TNFRSF1B: variants seen among roughly 807,000 people sequenced by gnomAD.
TNFRSF1B encodes tumor necrosis factor receptor superfamily member 1B.
A neutral mutation model predicts 44.6 loss-of-function variants in TNFRSF1B; 19 were observed. The ratio of observed to expected loss-of-function variants is 0.43; its 90% CI spans 0.30 to 0.62. The LOEUF (loss-of-function observed/expected upper bound fraction) is 0.62. Among genes scored for constraint, TNFRSF1B ranks in the 20% least tolerant of loss-of-function variants. The probability of loss-of-function intolerance (pLI) is 0.16; values close to 1 mark genes in which losing one functional copy is unlikely to be tolerated. For synonymous variants in TNFRSF1B, 252 were observed against 261.1 expected (o/e 0.97, Z 0.34); for missense variants, 541 against 619.9 (o/e 0.87, Z 1.35).
In TNFRSF1B at chr1:12,209,149, A is replaced by G. The variant is rs1425482406; in HGVS notation, c.*2129A>G. ...TTGGTTCCCTTGTGTGTGTGTGTTG[A>G]TCCCAAGACAATGAAAGTTTGCACT... On this transcript the variant is annotated 3_prime_UTR_variant, in exon 10 of 10. Transcript: ENST00000376259. The G allele has an allele frequency of 2.0e-4, 30 of 152,100 alleles. No individual in the cohort carries two copies. The highest frequency in any genetic ancestry group is 2.0e-3 in the Admixed American group (30 of 15,264). 9.4% of individuals were successfully genotyped at this position (152,100 alleles called of 1,614,324 possible). A position where few individuals can be genotyped will look rare whatever the true frequency, so the allele number is the denominator to read the frequency against.
chr1:12,206,604 G>A, intron 9 of TNFRSF1B, 136 bp from the exon 10 acceptor site: 1 of 931,906 alleles, frequency 1.1e-6, no homozygotes. Flanking sequence ...ACACAGCAGA[G>A]CTGGGCTAGA....
chr1:12,183,484 G>A lies in TNFRSF1B; in HGVS notation c.79-5312G>A, dbSNP rs375579538. Among the ~76,000 whole-genome samples the A allele has an allele frequency of 8.7e-5, 13 of 150,116 alleles. 1 individual carries two copies. The highest frequency in any genetic ancestry group is 3.9e-4 in the East Asian group (2 of 5,110). On this transcript the variant is annotated intron_variant, in intron 1 of 9. Coordinates refer to ENST00000376259, the MANE Select transcript of TNFRSF1B (RefSeq NM_001066.3). ...TCTCTCTCTCTCTCTATGTATATATGTATAGCTATCTATTGATATTTTCTA... is the reference window on the plus strand; with the variant it reads ...TCTCTCTCTCTCTCTATGTATATATATATAGCTATCTATTGATATTTTCTA...
rs200538351 is a variant in TNFRSF1B, at chr1:12,206,989, G to C, written c.1355G>C (p.Gly452Ala). Residue 452 changes from glycine to alanine, a missense_variant, in exon 10 of 10, where the codon GGA becomes GCA. Transcript: ENST00000376259. ...ACCGAAGAGAAGCCCCTGCCCCTTG[G>C]AGTGCCTGATGCTGGGATGAAGCCC... Reference protein sequence around the residue: ...GSTEEKPLPLGVPDAGMKPS With the variant: ...GSTEEKPLPLAVPDAGMKPS 3 of 1,599,926 alleles carry C rather than the reference G, an allele frequency of 1.9e-6. No individual in the cohort carries two copies. Among genetic ancestry groups the C allele is most frequent in the Admixed American group, 1.7e-5 (1 of 59,372 alleles).
At chr1:12,170,358 G>A (rs1638493872) in intron 1 of TNFRSF1B, among the ~76,000 whole-genome samples, 1 of 152,224 alleles carries the variant, frequency 6.6e-6, no homozygotes, top group South Asian at 2.1e-4. Context: ...GCTTAGCTGA[G>A]CTAGTAAGCC....
At chr1:12,183,679 T>TTCTATCTATCTACCTAC (rs1638874490) in intron 1 of TNFRSF1B, among the ~76,000 whole-genome samples, 1 of 127,174 alleles carries the variant, frequency 7.9e-6, no homozygotes, top group East Asian at 2.4e-4. Context: ...TATCTATCTA[T>TTCTATCTATCTACCTAC]CTATCTATCT....
intron 1 of TNFRSF1B, among the ~76,000 whole-genome samples, chr1:12,184,761 C>T (rs551348527): frequency 1.2e-4 from 18 of 152,196 alleles, no homozygotes; most frequent in Non-Finnish European, 1.9e-4. Flanking sequence ...TTCTTGCTGC[C>T]GCCTGGAGCC....
chr1:12,193,924 G>A, intron 6 of TNFRSF1B, 31 bp from the exon 7 acceptor site: 1 of 1,596,980 alleles, frequency 6.3e-7, no homozygotes, highest in African/African-American at 1.3e-5. Flanking sequence ...TTTGTTTTCT[G>A]TAGCTGTCTG....
Position 12,167,066 on chromosome 1 carries a change from G to A in TNFRSF1B, c.-26G>A. Reference sequence around the variant, plus strand: ...CGAGGGCGCGAGGGCGCGAGGGCAGGGGGCAACCGGACCCCGCCCGCACCC... The same window carrying A: ...CGAGGGCGCGAGGGCGCGAGGGCAGAGGGCAACCGGACCCCGCCCGCACCC... On this transcript the variant is annotated 5_prime_UTR_variant, in exon 1 of 10. Transcript: ENST00000376259. 1 of 1,287,984 alleles carries A rather than the reference G, an allele frequency of 7.8e-7. No individual in the cohort carries two copies. Among genetic ancestry groups the A allele is most frequent in the South Asian group, 2.3e-5 (1 of 44,156 alleles). 79.8% of individuals were successfully genotyped at this position (1,287,984 alleles called of 1,614,324 possible). A position where few individuals can be genotyped will look rare whatever the true frequency, so the allele number is the denominator to read the frequency against.
chr1:12,171,711 T>C lies in TNFRSF1B; in HGVS notation c.78+4542T>C, dbSNP rs1638527570. 6.6e-6 allele frequency among the ~76,000 whole-genome samples: 1 copy of C among 152,160 alleles called. No individual in the cohort carries two copies. On this transcript the variant is annotated intron_variant, in intron 1 of 9. Coordinates refer to ENST00000376259, the MANE Select transcript of TNFRSF1B (RefSeq NM_001066.3). This position sits in a 1 kb window ranked among gnomAD's most constrained non-coding sequence, Gnocchi z 4.5. ...GGGCTGTCCCGTGAGCTGTAGGATG[T>C]TTAGCGACATCCCTGGCCTCTACTT...
At chr1:12,205,684 T>C (rs1029481132) in intron 9 of TNFRSF1B, among the ~76,000 whole-genome samples, 9 of 152,170 alleles carry the variant, frequency 5.9e-5, no homozygotes, top group Admixed American at 6.5e-5. Flanking sequence ...TGAAGTGACG[T>C]GATTTCGGCT....
chr1:12,205,754 TG>T (rs1161251463), intron 9 of TNFRSF1B, among the ~76,000 whole-genome samples: 2 of 152,060 alleles, frequency 1.3e-5, no homozygotes, highest in Non-Finnish European at 2.9e-5. Context: ...CCCGAGTAGC[TG>T]GGATTATAGG....
chr1:12,172,406 CG>C (rs1270229693), intron 1 of TNFRSF1B, among the ~76,000 whole-genome samples: 2 of 152,232 alleles, frequency 1.3e-5, no homozygotes, highest in African/African-American at 2.4e-5. Context: ...CCTAGCCTCA[CG>C]GGCTGGCTGT....
rs1298260090 is a variant in TNFRSF1B, at chr1:12,193,990, A to C, written c.823A>C (p.Ile275Leu). ...IVGVTALGLL[I>L]IGVVNCVIMT... ...GGGTGTGACAGCCTTGGGTCTACTA[A>C]TAATAGGAGTGGTGAACTGTGTCAT... The change falls in exon 7 of 10, where the codon ATA becomes CTA. Residue 275 changes from isoleucine to leucine, a missense_variant. Coordinates refer to ENST00000376259, the MANE Select transcript of TNFRSF1B (RefSeq NM_001066.3). 6.2e-7 allele frequency: 1 copy of C among 1,614,022 alleles called. No homozygotes were observed. The highest frequency in any genetic ancestry group is 8.5e-7 in the Non-Finnish European group (1 of 1,179,964).
chr1:12,197,863 C>T lies in TNFRSF1B; in HGVS notation c.900+3245C>T, dbSNP rs971456803. On this transcript the variant is annotated intron_variant, in intron 8 of 9. Transcript: ENST00000376259. Reference sequence around the variant, plus strand: ...ACATGTGGCCGGGCGCCATGGCTCACGCCTGTAATCCCAGCACTTTGGGAG... The same window carrying T: ...ACATGTGGCCGGGCGCCATGGCTCATGCCTGTAATCCCAGCACTTTGGGAG... Among the ~76,000 whole-genome samples the T allele has an allele frequency of 1.4e-4, 21 of 152,290 alleles. No individual in the cohort carries two copies. The South Asian group carries it at 3.7e-3, about 27-fold the overall frequency.
chr1:12,183,472 C>A (rs1570140352), intron 1 of TNFRSF1B, among the ~76,000 whole-genome samples: 1 of 138,138 alleles, frequency 7.2e-6, no homozygotes, highest in Non-Finnish European at 1.6e-5. Flanking sequence ...CTCTCTCTCT[C>A]TATGTATATA....
Position 12,183,711 on chromosome 1 carries a change from T to TCTATCTACCTATCTA in TNFRSF1B, c.79-5085_79-5084insCTATCTACCTATCTA, listed in dbSNP as rs1553163383. 1.6e-4 allele frequency among the ~76,000 whole-genome samples: 15 copies of TCTATCTACCTATCTA among 93,276 alleles called. 1 individual carries two copies. The highest frequency in any genetic ancestry group is 4.1e-4 in the South Asian group (1 of 2,468). 61.2% of individuals were successfully genotyped at this position (93,276 alleles called of 152,430 possible). A position where few individuals can be genotyped will look rare whatever the true frequency, so the allele number is the denominator to read the frequency against. On this transcript the variant is annotated intron_variant, in intron 1 of 9. Coordinates refer to ENST00000376259, the MANE Select transcript of TNFRSF1B (RefSeq NM_001066.3). ...ATCTATCTATCTATCTATCTATCTA[T>TCTATCTACCTATCTA]TCTATCTACCTATCTATCTATCTAT...
chr1:12,183,474 A>C (rs532838666), intron 1 of TNFRSF1B, among the ~76,000 whole-genome samples: 1 of 139,434 alleles, frequency 7.2e-6, no homozygotes, highest in Admixed American at 7.1e-5. Flanking sequence ...CTCTCTCTCT[A>C]TGTATATATG....
chr1:12,203,757 G>C (rs906998846), intron 9 of TNFRSF1B, among the ~76,000 whole-genome samples: 1 of 151,982 alleles, frequency 6.6e-6, no homozygotes, highest in Non-Finnish European at 1.5e-5. Flanking sequence ...CTCGCTCGTC[G>C]CCTAGGCTGG....
At chr1:12,200,406 GC>G (rs1164173637) in intron 8 of TNFRSF1B, among the ~76,000 whole-genome samples, 7 of 151,968 alleles carry the variant, frequency 4.6e-5, no homozygotes, top group African/African-American at 7.3e-5. Flanking sequence ...TTGACTGAGC[GC>G]AAAGGTCTGC....
Sources: allele counts gnomAD v4.1 joint callset (sites outside exome capture counted in the v4.1 genomes callset), GRCh38; gene constraint gnomAD v4.1.1; non-coding constraint Gnocchi (gnomAD v3.1); transcripts MANE v1.5; gene names NCBI Gene and HGNC (gene_info 2026-07-23, HGNC 2026-07-21).